PSMD13: variants seen among roughly 807,000 people sequenced by gnomAD.
PSMD13 encodes 26S proteasome non-ATPase regulatory subunit 13.
PSMD13 carries 8 observed loss-of-function variants against 57.4 expected under a neutral mutation model. That is an observed-to-expected ratio of 0.14 (90% CI 0.08 to 0.25). PSMD13 has a LOEUF of 0.25. PSMD13 is among the 10% of genes least tolerant of loss of function. The pLI, the probability that PSMD13 is intolerant of heterozygous loss-of-function variation, is 1.00. For missense variants in PSMD13, 400 were observed against 461.5 expected (o/e 0.87, Z 1.22); for synonymous variants, 193 against 168.2 (o/e 1.15, Z -1.14).
At chr11:237,279 C>T (rs1320349019) in intron 1 of PSMD13, 135 bp downstream of exon 1, 1 of 774,462 alleles carries the variant, frequency 1.3e-6, no homozygotes, top group Non-Finnish European at 2.0e-6. Context: ...CGTGTAGCGA[C>T]CGGCTGTGCC....
intron 7 of PSMD13, 108 bp downstream of exon 7, chr11:247,556 G>A: frequency 1.5e-6 from 2 of 1,293,024 alleles, no homozygotes; most frequent in South Asian, 1.5e-5. Flanking sequence ...GTGGGGCTGG[G>A]CACGGTGGCT....
intron 6 of PSMD13, 75 bp downstream of exon 6, chr11:244,836 T>A: frequency 8.1e-7 from 1 of 1,235,144 alleles, no homozygotes; most frequent in Non-Finnish European, 1.1e-6. Flanking sequence ...TAACCTATTT[T>A]TCTTCTTTAC....
At chr11:241,048 T>C (rs1223945977) in intron 2 of PSMD13, among the ~76,000 whole-genome samples, 1 of 152,112 alleles carries the variant, frequency 6.6e-6, no homozygotes, top group African/African-American at 2.4e-5. Context: ...ACCAGGCTGG[T>C]CTCAAACTCC....
At chr11:248,483 C>T (rs1435999578) in intron 7 of PSMD13, 1 of 402,874 alleles carries the variant, frequency 2.5e-6, no homozygotes, top group Non-Finnish European at 4.5e-6. Flanking sequence ...CTTGCCATAG[C>T]AGAAAAGAGA....
chr11:251,812 C>T lies in PSMD13; in HGVS notation c.919-8C>T, dbSNP rs767517084. Reference sequence around the variant, plus strand: ...TCTTGTCTTACACACGCCTCCCTCTCTGCACAGGTGGAGCTTCTGGTGATG... The same window carrying T: ...TCTTGTCTTACACACGCCTCCCTCTTTGCACAGGTGGAGCTTCTGGTGATG... On this transcript the variant is annotated splice_polypyrimidine_tract_variant and splice_region_variant and intron_variant, in intron 11 of 12. Transcript: ENST00000532097. This position sits in a 1 kb window ranked among gnomAD's most constrained non-coding sequence, Gnocchi z 4.6. 1.2e-6 allele frequency: 2 copies of T among 1,613,224 alleles called. No individual in the cohort carries two copies. The highest frequency in any genetic ancestry group is 2.2e-5 in the South Asian group (2 of 90,972).
intron 2 of PSMD13, among the ~76,000 whole-genome samples, chr11:240,500 A>T (rs1368920762): frequency 6.6e-6 from 1 of 152,144 alleles, no homozygotes; most frequent in Non-Finnish European, 1.5e-5. Flanking sequence ...TTGGTTTCTT[A>T]TCTTTAAATC....
intron 6 of PSMD13, among the ~76,000 whole-genome samples, chr11:246,379 G>A (rs1859647751): frequency 6.6e-6 from 1 of 152,122 alleles, no homozygotes. Context: ...GCGGGCGCCT[G>A]TAGTCCCAGC....
In PSMD13 at chr11:251,820, G is replaced by A; in HGVS notation, c.919G>A (p.Val307Met). 6.2e-7 allele frequency: 1 copy of A among 1,613,944 alleles called. No individual in the cohort carries two copies. The change falls in exon 12 of 13, where the codon GTG becomes ATG. Residue 307 changes from valine to methionine, a missense_variant and splice_region_variant. By Grantham distance (21) the Val-to-Met change is conservative. Coordinates refer to ENST00000532097, the MANE Select transcript of PSMD13 (RefSeq NM_002817.4). This position sits in a 1 kb window ranked among gnomAD's most constrained non-coding sequence, Gnocchi z 4.6. Reference protein sequence around the residue: ...AKSAKITVNEVELLVMKALSV... With the variant: ...AKSAKITVNEMELLVMKALSV... ...TACACACGCCTCCCTCTCTGCACAG[G>A]TGGAGCTTCTGGTGATGAAGGCCCT... is the stretch of plus-strand genomic sequence containing the variant.
At position 252,368 on chromosome 11, in the gene PSMD13, T is replaced by C; in HGVS notation, c.1036-137T>C. On this transcript the variant is annotated intron_variant, in intron 12 of 12. Transcript: ENST00000532097. This position sits in a 1 kb window ranked among gnomAD's most constrained non-coding sequence, Gnocchi z 4.1. ...GCAAGTCCCGTCCCACTCCCCCAGC[T>C]CAGAGGTCCTTTTTACTAGAGCTGC... 1.3e-6 allele frequency: 1 copy of C among 757,918 alleles called. No homozygotes were observed. The highest frequency in any genetic ancestry group is 2.5e-5 in the East Asian group (1 of 40,226). 46.9% of individuals were successfully genotyped at this position (757,918 alleles called of 1,614,324 possible).
intron 2 of PSMD13, among the ~76,000 whole-genome samples, chr11:242,749 C>G (rs1268965822): frequency 1.3e-5 from 2 of 152,102 alleles, no homozygotes; most frequent in African/African-American, 4.8e-5. Context: ...AGGTCTCTTA[C>G]AGTAGTACCG....
At chr11:243,981 GTCT>G in intron 2 of PSMD13, 57 bp from the exon 3 acceptor site, 2 of 1,513,314 alleles carry the variant, frequency 1.3e-6, no homozygotes. Flanking sequence ...AGTGTTTGGG[GTCT>G]TCGTTTTGCA....
Position 252,500 on chromosome 11 carries a change from T to C in PSMD13, c.1036-5T>C, listed in dbSNP as rs756892726. 2 of 1,613,856 alleles carry C rather than the reference T, an allele frequency of 1.2e-6. No individual in the cohort carries two copies. Among genetic ancestry groups the C allele is most frequent in the Non-Finnish European group, 1.7e-6 (2 of 1,179,844 alleles). ...ACGTCCCTTGTGTCCGGATTTCCAT[T>C]TCAGATCAAGGGAATGAAGGACCGC... On this transcript the variant is annotated splice_polypyrimidine_tract_variant and splice_region_variant and intron_variant, in intron 12 of 12. Coordinates refer to ENST00000532097, the MANE Select transcript of PSMD13 (RefSeq NM_002817.4). This position sits in a 1 kb window ranked among gnomAD's most constrained non-coding sequence, Gnocchi z 4.1.
chr11:247,570 G>A (rs370392526), intron 7 of PSMD13, 122 bp downstream of exon 7: 21 of 1,112,222 alleles, frequency 1.9e-5, no homozygotes, highest in Admixed American at 8.2e-5. Context: ...GGTGGCTCAC[G>A]CCTGTAATCC....
rs754727003 is a variant in PSMD13 at position 248,909 on chromosome 11, G to A, written c.649-23G>A. 3.7e-6 allele frequency: 6 copies of A among 1,613,990 alleles called. No individual in the cohort carries two copies. In the African/African-American group the frequency reaches 4.0e-5, roughly 11 times the overall value. ...AACGAGAGAGACTAAAGTGTTACTA[G>A]CTGACCATCTCCATCCTCACAGCTC... On this transcript the variant is annotated intron_variant, in intron 8 of 12. Coordinates refer to ENST00000532097, the MANE Select transcript of PSMD13 (RefSeq NM_002817.4).
chr11:252,603 C>T lies in PSMD13; in HGVS notation c.*3C>T. 3 of 1,612,840 alleles carry T rather than the reference C, an allele frequency of 1.9e-6. No individual in the cohort carries two copies. The highest frequency in any genetic ancestry group is 2.5e-6 in the Non-Finnish European group (3 of 1,178,926). ...AGGCCCATGACATCCTCACCTAGGGCCCCCTGGTTCCCCGTCGTGTCTCCT... is the reference window on the plus strand; with the variant it reads ...AGGCCCATGACATCCTCACCTAGGGTCCCCTGGTTCCCCGTCGTGTCTCCT... On this transcript the variant is annotated 3_prime_UTR_variant, in exon 13 of 13. Coordinates refer to ENST00000532097, the MANE Select transcript of PSMD13 (RefSeq NM_002817.4). The surrounding 1 kb of genome is among the most constrained non-coding windows in gnomAD (Gnocchi z 4.1).
intron 6 of PSMD13, among the ~76,000 whole-genome samples, chr11:245,251 T>C (rs1298349726): frequency 6.6e-6 from 1 of 152,150 alleles, no homozygotes; most frequent in South Asian, 2.1e-4. Context: ...CCCCCCCGAT[T>C]GCTAACCTTT....
In PSMD13 at chr11:251,516, GT is replaced by G; in HGVS notation, c.838-27del. ...TTCTCTATTTTTATTTGGAAAAATA[GT>G]TTAAAATAGTTAATAAAATTTTTTC... On this transcript the variant is annotated intron_variant, in intron 10 of 12. Transcript: ENST00000532097. The surrounding 1 kb of genome is among the most constrained non-coding windows in gnomAD (Gnocchi z 4.6). The G allele has an allele frequency of 6.5e-7, 1 of 1,548,534 alleles. No individual in the cohort carries two copies. Among genetic ancestry groups the G allele is most frequent in the Non-Finnish European group, 8.9e-7 (1 of 1,127,046 alleles).
At chr11:250,584 A>G (rs1859748842) in intron 9 of PSMD13, among the ~76,000 whole-genome samples, 1 of 152,224 alleles carries the variant, frequency 6.6e-6, no homozygotes, top group Non-Finnish European at 1.5e-5. Flanking sequence ...GCCTTGACAA[A>G]GTGTCCCAGT....
At chr11:240,923 C>T (rs555949194) in intron 2 of PSMD13, among the ~76,000 whole-genome samples, 1 of 152,132 alleles carries the variant, frequency 6.6e-6, no homozygotes, top group Admixed American at 6.5e-5. Context: ...CCTCCTCCTC[C>T]CGGGTTCCAG....
Sources: allele counts gnomAD v4.1 joint callset (sites outside exome capture counted in the v4.1 genomes callset), GRCh38; gene constraint gnomAD v4.1.1; non-coding constraint Gnocchi (gnomAD v3.1); transcripts MANE v1.5; gene names NCBI Gene and HGNC (gene_info 2026-07-23, HGNC 2026-07-21).